The following MYO9B variants were observed in gnomAD, a reference collection of about 807,000 sequenced individuals.
MYO9B encodes myosin IXB, also known as unconventional myosin-IXb.
MYO9B carries 71 observed loss-of-function variants against 229.5 expected under a neutral mutation model. The ratio of observed to expected loss-of-function variants is 0.31; its 90% confidence interval spans 0.26 to 0.38. The LOEUF (loss-of-function observed/expected upper bound fraction) is 0.38. Among genes scored for constraint, MYO9B ranks in the 10% least tolerant of loss-of-function variants. The pLI, the probability that MYO9B is intolerant of heterozygous loss-of-function variation, is 1.00. For missense variants in MYO9B, 2,255 were observed against 2,920.5 expected (o/e 0.77, Z 5.25); for synonymous variants, 1,185 against 1,235.8 (o/e 0.96, Z 0.86).
chr19:17,120,183 T>A (rs936026495), intron 2 of MYO9B, among the ~76,000 whole-genome samples: 1 of 152,220 alleles, frequency 6.6e-6, no homozygotes, highest in Non-Finnish European at 1.5e-5. Flanking sequence ...TTGTATCATA[T>A]GATCCCTCTG....
At chr19:17,182,678 G>C (rs961336527) in intron 15 of MYO9B, among the ~76,000 whole-genome samples, 7 of 151,866 alleles carry the variant, frequency 4.6e-5, no homozygotes, top group African/African-American at 1.7e-4. Context: ...TTTTGTCCTT[G>C]TTGTGCCTTA....
chr19:17,109,662 T>G (rs919452232), intron 2 of MYO9B, among the ~76,000 whole-genome samples: 7 of 152,106 alleles, frequency 4.6e-5, no homozygotes, highest in African/African-American at 1.7e-4. Flanking sequence ...TGAGGGAGAA[T>G]CTGTCCCAGG....
intron 2 of MYO9B, among the ~76,000 whole-genome samples, chr19:17,143,351 G>C (rs2072366037): frequency 6.6e-6 from 1 of 152,244 alleles, no homozygotes; most frequent in Admixed American, 6.6e-5. Context: ...GGTCTTATCT[G>C]GGCTTCTAAG....
chr19:17,179,267 A>G (rs2072827745), intron 14 of MYO9B, among the ~76,000 whole-genome samples: 1 of 152,038 alleles, frequency 6.6e-6, no homozygotes, highest in African/African-American at 2.4e-5. Context: ...GCTGTGTTCA[A>G]ACTGTGGCTC....
chr19:17,128,792 C>A (rs1260685538), intron 2 of MYO9B, among the ~76,000 whole-genome samples: 1 of 152,250 alleles, frequency 6.6e-6, no homozygotes, highest in Non-Finnish European at 1.5e-5. Flanking sequence ...TCCAAGCTGG[C>A]TGCCAGGCCC....
At chr19:17,156,246 CT>C (rs963719545) in intron 6 of MYO9B, among the ~76,000 whole-genome samples, 1 of 151,896 alleles carries the variant, frequency 6.6e-6, no homozygotes, top group Non-Finnish European at 1.5e-5. Context: ...CTTCTTTTTT[CT>C]TTTGTGAGAC....
intron 3 of MYO9B, among the ~76,000 whole-genome samples, chr19:17,149,920 A>G (rs2072458427): frequency 6.6e-6 from 1 of 152,232 alleles, no homozygotes. Flanking sequence ...TGAGATTGAA[A>G]CATGAGTTTC....
At chr19:17,180,425 T>C (rs192237095) in intron 14 of MYO9B, among the ~76,000 whole-genome samples, 1 of 132,828 alleles carries the variant, frequency 7.5e-6, no homozygotes, top group African/African-American at 2.8e-5. Flanking sequence ...CTATCTCAGC[T>C]CACTGCAACC....
chr19:17,176,320 G>A (rs1295091149), intron 14 of MYO9B, among the ~76,000 whole-genome samples: 1 of 152,116 alleles, frequency 6.6e-6, no homozygotes, highest in East Asian at 1.9e-4. Flanking sequence ...ACAGGCGTGA[G>A]CCACTGCACC....
intron 2 of MYO9B, among the ~76,000 whole-genome samples, chr19:17,125,298 C>A (rs1031755150): frequency 2.5e-3 from 40 of 16,060 alleles, no homozygotes; most frequent in African/African-American, 5.2e-3. Flanking sequence ...AAAACCCCAT[C>A]CCCCCCCCCC....
chr19:17,151,694 A>G (rs1038995113), intron 3 of MYO9B, among the ~76,000 whole-genome samples: 1 of 152,206 alleles, frequency 6.6e-6, no homozygotes, highest in Non-Finnish European at 1.5e-5. Flanking sequence ...AGACACGTAG[A>G]TCACTTGAGG....
intron 3 of MYO9B, 110 bp downstream of exon 3, chr19:17,145,601 G>C: frequency 1.0e-6 from 1 of 964,380 alleles, no homozygotes; most frequent in East Asian, 2.4e-5. Context: ...GGATGTTTAT[G>C]CTTTGTATGG....
chr19:17,109,373 C>G (rs2057825709), intron 2 of MYO9B, among the ~76,000 whole-genome samples: 1 of 152,054 alleles, frequency 6.6e-6, no homozygotes. Context: ...CCATCATTTT[C>G]TAATAAGAGG....
At chr19:17,210,977 CTTTTT>C (rs35355662) in intron 38 of MYO9B, 129 bp downstream of exon 38, 591 of 333,424 alleles carry the variant, frequency 1.8e-3, no homozygotes, top group Middle Eastern at 3.5e-3. Flanking sequence ...GCAAACAACA[CTTTTT>C]TTTTTTTTTT....
chr19:17,128,733 GA>G (rs1486418279), intron 2 of MYO9B, among the ~76,000 whole-genome samples: 1 of 152,264 alleles, frequency 6.6e-6, no homozygotes, highest in African/African-American at 2.4e-5. Flanking sequence ...GTTTCAGGTA[GA>G]AAGTTCTGCT....
At position 17,194,399 on chromosome 19, in the gene MYO9B, C is replaced by T. The variant is rs184240050; in HGVS notation, c.3129-157C>T. On this transcript the variant is annotated intron_variant, in intron 21 of 39. Transcript: ENST00000682292. ...ACCACCCTCAGCCTCCTTTCCTGAT[C>T]GAGGAGATTCCTGCTTTCCAGAAGC... Among the ~76,000 whole-genome samples, 235 of 152,246 alleles carry T rather than the reference C, an allele frequency of 1.5e-3. 1 individual carries two copies. The highest frequency in any genetic ancestry group is 5.3e-3 in the African/African-American group (220 of 41,562).
intron 2 of MYO9B, among the ~76,000 whole-genome samples, chr19:17,138,800 G>A (rs2072302729): frequency 6.6e-6 from 1 of 152,134 alleles, no homozygotes; most frequent in Admixed American, 6.6e-5. Context: ...TACACACTTC[G>A]GCTGTAGGTG....
intron 2 of MYO9B, among the ~76,000 whole-genome samples, chr19:17,141,079 G>C (rs2072333041): frequency 1.3e-5 from 2 of 150,412 alleles, no homozygotes; most frequent in Admixed American, 1.3e-4. Flanking sequence ...ACTCCAGCCT[G>C]GGCAACAGAG....
In MYO9B at chr19:17,168,081, C is replaced by T. The variant is rs751581551; in HGVS notation, c.1793+17C>T. On this transcript the variant is annotated intron_variant, in intron 11 of 39. Transcript: ENST00000682292. ...GGAGAGCAAGTGAGTGTCCACACCC[C>T]GTCCATCCCGGCACATCTACGCATG... The T allele has an allele frequency of 1.9e-6, 3 of 1,610,778 alleles. No individual in the cohort carries two copies. The highest frequency in any genetic ancestry group is 2.2e-5 in the East Asian group (1 of 44,752).
Sources: allele counts gnomAD v4.1 joint callset (sites outside exome capture counted in the v4.1 genomes callset), GRCh38; gene constraint gnomAD v4.1.1; transcripts MANE v1.5; gene names NCBI Gene and HGNC (gene_info 2026-07-23, HGNC 2026-07-21).